ADCY9: variants seen among roughly 807,000 people sequenced by gnomAD.
ADCY9 encodes the protein adenylate cyclase 9.
A neutral mutation model predicts 101.5 loss-of-function variants in ADCY9; 50 were observed. The observed-to-expected ratio is 0.49, with a 90% CI of 0.39 to 0.62. The LOEUF (loss-of-function observed/expected upper bound fraction) is 0.62, where lower values mean the gene tolerates loss of function less well. ADCY9 is among the 20% of genes least tolerant of loss of function. ADCY9 has a pLI of 0.00. For synonymous variants in ADCY9, 905 were observed against 769.3 expected (o/e 1.18, Z -2.92); for missense variants, 1,662 against 1,800.4 (o/e 0.92, Z 1.39).
chr16:4,097,151 G>C (rs1309816024), intron 2 of ADCY9, among the ~76,000 whole-genome samples: 1 of 152,004 alleles, frequency 6.6e-6, no homozygotes, highest in Non-Finnish European at 1.5e-5. Context: ...TAAGCACTCA[G>C]TCCTCTGTGT....
chr16:4,054,436 T>G (rs891379869), intron 2 of ADCY9, among the ~76,000 whole-genome samples: 4 of 152,234 alleles, frequency 2.6e-5, no homozygotes, highest in African/African-American at 9.6e-5. Context: ...GGTTCTGAAA[T>G]GATTTTCACT....
intron 2 of ADCY9, among the ~76,000 whole-genome samples, chr16:4,106,404 C>G (rs527526168): frequency 1.3e-5 from 2 of 152,170 alleles, no homozygotes; most frequent in African/African-American, 2.4e-5. Context: ...CCTTCTGTTC[C>G]GCGGCAGCAC....
intron 2 of ADCY9, among the ~76,000 whole-genome samples, chr16:4,095,447 C>A (rs2056997752): frequency 6.6e-6 from 1 of 152,122 alleles, no homozygotes. Flanking sequence ...CAAGAGCAAG[C>A]AAGTCCTTCC....
intron 10 of ADCY9, among the ~76,000 whole-genome samples, chr16:3,968,730 C>T (rs2056021186): frequency 1.3e-5 from 2 of 152,182 alleles, no homozygotes; most frequent in African/African-American, 4.8e-5. Context: ...GGAATATTCC[C>T]CTACCCCTAT....
At chr16:4,012,800 G>A (rs368121821) in intron 2 of ADCY9, among the ~76,000 whole-genome samples, 3 of 152,200 alleles carry the variant, frequency 2.0e-5, no homozygotes, top group African/African-American at 4.8e-5. Flanking sequence ...GGTGACCCAA[G>A]TATAGGAAGA....
At chr16:4,014,179 C>A (rs577663026) in intron 2 of ADCY9, among the ~76,000 whole-genome samples, 1 of 151,854 alleles carries the variant, frequency 6.6e-6, no homozygotes, top group Admixed American at 6.6e-5. Context: ...ATTAACTGGG[C>A]GTGGTGGCAC....
In ADCY9 at chr16:4,093,407, T is replaced by G. The variant is rs945096614; in HGVS notation, c.1693+20343A>C. Among the ~76,000 whole-genome samples the G allele has an allele frequency of 2.0e-5, 3 of 152,190 alleles. No homozygotes were observed. The South Asian group carries it at 6.2e-4, about 32-fold the overall frequency. On this transcript the variant is annotated intron_variant, in intron 2 of 10. Coordinates refer to ENST00000294016, the MANE Select transcript of ADCY9 (RefSeq NM_001116.4). ...GTTTAAAAACAAACAACTGATTATA[T>G]AAAACATTTACATCAAATTATAATT...
In ADCY9 at chr16:3,996,916, G is replaced by A. The variant is rs1337941732; in HGVS notation, c.1885-3406C>T. ...GTCTCGCTCTGTCACCCAGGCTGGAGTGCAGTGGGGAGATCTTGGCTCACT... is the reference window on the plus strand; with the variant it reads ...GTCTCGCTCTGTCACCCAGGCTGGAATGCAGTGGGGAGATCTTGGCTCACT... On this transcript the variant is annotated intron_variant, in intron 3 of 10. Coordinates refer to ENST00000294016, the MANE Select transcript of ADCY9 (RefSeq NM_001116.4). Among the ~76,000 whole-genome samples, 5 of 152,190 alleles carry A rather than the reference G, an allele frequency of 3.3e-5. No individual in the cohort carries two copies. In the East Asian group the frequency reaches 9.7e-4, roughly 29 times the overall value.
At chr16:4,013,948 G>T (rs2056420578) in intron 2 of ADCY9, among the ~76,000 whole-genome samples, 1 of 152,164 alleles carries the variant, frequency 6.6e-6, no homozygotes, top group African/African-American at 2.4e-5. Flanking sequence ...ATTTGTTCTT[G>T]TTGTCCCAAT....
chr16:4,024,824 G>A (rs1408736013), intron 2 of ADCY9, among the ~76,000 whole-genome samples: 1 of 152,092 alleles, frequency 6.6e-6, no homozygotes, highest in Non-Finnish European at 1.5e-5. Flanking sequence ...AAAGTTTAGG[G>A]GGCAAAATCA....
intron 2 of ADCY9, among the ~76,000 whole-genome samples, chr16:4,091,664 G>T (rs751774243): frequency 4.6e-5 from 7 of 152,222 alleles, no homozygotes; most frequent in Admixed American, 3.9e-4. Flanking sequence ...GCCACAACAT[G>T]AATGAACCTT....
At chr16:4,009,606 T>C (rs2056390003) in intron 2 of ADCY9, among the ~76,000 whole-genome samples, 2 of 152,164 alleles carry the variant, frequency 1.3e-5, no homozygotes, top group South Asian at 4.1e-4. Context: ...TGTGCATTTT[T>C]TTCTCCAACA....
chr16:4,089,341 T>C (rs535059496), intron 2 of ADCY9, among the ~76,000 whole-genome samples: 1 of 152,194 alleles, frequency 6.6e-6, no homozygotes, highest in African/African-American at 2.4e-5. Context: ...CTTTTTTCAC[T>C]GGGCATGTTT....
chr16:4,022,297 G>A (rs559010423), intron 2 of ADCY9, among the ~76,000 whole-genome samples: 104 of 152,054 alleles, frequency 6.8e-4, no homozygotes, highest in African/African-American at 2.3e-3. Context: ...TTTGAGACCA[G>A]CCTGGCCAAC....
At chr16:3,962,040 A>AG (rs2055942677), downstream of ADCY9, among the ~76,000 whole-genome samples, 2 of 24,694 alleles carry the variant, frequency 8.1e-5, no homozygotes, top group African/African-American at 3.3e-4. Context: ...AATAAAAATT[A>AG]AAAAAAAAAT....
intron 2 of ADCY9, among the ~76,000 whole-genome samples, chr16:4,017,597 T>A (rs1364896489): frequency 4.1e-5 from 6 of 144,842 alleles, no homozygotes; most frequent in African/African-American, 1.6e-4. Context: ...TGAGCCAAGA[T>A]CGCACCATTG....
intron 2 of ADCY9, among the ~76,000 whole-genome samples, chr16:4,087,876 T>TCTCTCTCG (rs141290504): frequency 0.028 from 4,108 of 146,744 alleles, 477 homozygotes; most frequent in African/African-American, 0.1. Flanking sequence ...TTTGTTTCTG[T>TCTCTCTCG]CTCTCTCGCT....
chr16:4,013,268 A>G (rs2056415875), intron 2 of ADCY9, among the ~76,000 whole-genome samples: 5 of 143,978 alleles, frequency 3.5e-5, no homozygotes, highest in African/African-American at 1.3e-4. Context: ...AGAAAAAGAA[A>G]AACAAGCCAG....
At chr16:4,040,239 T>A (rs1306331364) in intron 2 of ADCY9, among the ~76,000 whole-genome samples, 5 of 152,050 alleles carry the variant, frequency 3.3e-5, no homozygotes, top group African/African-American at 1.2e-4. Flanking sequence ...GCATGAAAAA[T>A]TCAGGTGTAG....
Sources: allele counts gnomAD v4.1 joint callset (sites outside exome capture counted in the v4.1 genomes callset), GRCh38; gene constraint gnomAD v4.1.1; transcripts MANE v1.5; gene names NCBI Gene and HGNC (gene_info 2026-07-23, HGNC 2026-07-21).